RBM47: variants seen among roughly 807,000 people sequenced by gnomAD.
RBM47 encodes RNA binding motif protein 47, also known as RNA-binding protein 47.
Under a neutral mutation model 47.1 loss-of-function variants are expected in RBM47, and 21 were observed. The ratio of observed to expected loss-of-function variants is 0.45; its 90% CI spans 0.32 to 0.64. The LOEUF (loss-of-function observed/expected upper bound fraction) is 0.64, where lower values mean the gene tolerates loss of function less well. RBM47 is among the 30% of genes least tolerant of loss of function. The probability of loss-of-function intolerance (pLI) is 0.05; values close to 1 mark genes in which losing one functional copy is unlikely to be tolerated. For missense variants in RBM47, 708 were observed against 870.9 expected (o/e 0.81, Z 2.35); for synonymous variants, 375 against 361.7 (o/e 1.04, Z -0.42).
chr4:40,588,449 C>T (rs567709878), intron 1 of RBM47, among the ~76,000 whole-genome samples: 1 of 152,284 alleles, frequency 6.6e-6, no homozygotes, highest in African/African-American at 2.4e-5. Flanking sequence ...CAAAGGAGGA[C>T]CATCATAGGA....
At chr4:40,566,622 G>A (rs1488363930) in intron 1 of RBM47, among the ~76,000 whole-genome samples, 1 of 151,994 alleles carries the variant, frequency 6.6e-6, no homozygotes, top group African/African-American at 2.4e-5. Context: ...TCCACGCTGG[G>A]CGACAGAGCG....
At chr4:40,627,544 A>C (rs1284079032) in intron 1 of RBM47, among the ~76,000 whole-genome samples, 2 of 152,280 alleles carry the variant, frequency 1.3e-5, no homozygotes, top group Admixed American at 1.3e-4. Flanking sequence ...CATTTGGGAC[A>C]TGATTTAATC....
At chr4:40,496,359 CA>C (rs1560419548) in intron 2 of RBM47, among the ~76,000 whole-genome samples, 2 of 102,632 alleles carry the variant, frequency 1.9e-5, no homozygotes, top group Admixed American at 9.4e-5. Flanking sequence ...CACACACACA[CA>C]CACAAAGAGA....
chr4:40,534,177 G>A (rs993622181), intron 2 of RBM47, among the ~76,000 whole-genome samples: 3 of 151,350 alleles, frequency 2.0e-5, no homozygotes, highest in African/African-American at 7.3e-5. Context: ...TGTTGCCCAG[G>A]CTGGTCTTGA....
chr4:40,501,131 C>T (rs945782474), intron 2 of RBM47, among the ~76,000 whole-genome samples: 6 of 151,984 alleles, frequency 3.9e-5, no homozygotes, highest in African/African-American at 1.4e-4. Flanking sequence ...CATAGAAGAG[C>T]AGCTGCTGGC....
At chr4:40,541,798 G>A (rs1728572459) in intron 2 of RBM47, among the ~76,000 whole-genome samples, 1 of 152,114 alleles carries the variant, frequency 6.6e-6, no homozygotes, top group South Asian at 2.1e-4. Flanking sequence ...TTTGAAACCT[G>A]AGAATCTCAC....
intron 2 of RBM47, chr4:40,475,811 T>C (rs1334608712): frequency 3.3e-5 from 5 of 152,360 alleles, no homozygotes; most frequent in East Asian, 3.9e-4. Flanking sequence ...GGGCTCCTCA[T>C]TGGTCAACGA....
chr4:40,501,670 C>A (rs1170753428), intron 2 of RBM47, among the ~76,000 whole-genome samples: 5 of 152,180 alleles, frequency 3.3e-5, no homozygotes, highest in Non-Finnish European at 7.3e-5. Flanking sequence ...CAGGGTAGCT[C>A]CTGGACAGAA....
chr4:40,535,939 G>T (rs1727935042), intron 2 of RBM47, among the ~76,000 whole-genome samples: 1 of 152,130 alleles, frequency 6.6e-6, no homozygotes, highest in African/African-American at 2.4e-5. Flanking sequence ...GACCTCAGGT[G>T]ATCCACCCGC....
chr4:40,589,751 T>C (rs1214563216), intron 1 of RBM47, among the ~76,000 whole-genome samples: 1 of 152,218 alleles, frequency 6.6e-6, no homozygotes, highest in Non-Finnish European at 1.5e-5. Flanking sequence ...AACTGTACAA[T>C]TTAAAAGGGT....
At chr4:40,499,776 T>A (rs1400615179) in intron 2 of RBM47, among the ~76,000 whole-genome samples, 1 of 152,210 alleles carries the variant, frequency 6.6e-6, no homozygotes, top group Non-Finnish European at 1.5e-5. Context: ...CAGGTCACAA[T>A]TGCAGGTCTT....
intron 1 of RBM47, among the ~76,000 whole-genome samples, chr4:40,549,616 G>A (rs10013476): frequency 0.035 from 5,138 of 147,742 alleles, 190 homozygotes; most frequent in African/African-American, 0.098. Context: ...TACGCCTCCC[G>A]GGTTCAAGCA....
At chr4:40,626,786 C>T (rs1737782234) in intron 1 of RBM47, among the ~76,000 whole-genome samples, 1 of 152,146 alleles carries the variant, frequency 6.6e-6, no homozygotes, top group Non-Finnish European at 1.5e-5. Flanking sequence ...CTCAGACGAC[C>T]TCAGGAGTTT....
intron 5 of RBM47, among the ~76,000 whole-genome samples, chr4:40,433,481 T>A (rs78112574): frequency 0.036 from 5,557 of 152,256 alleles, 353 homozygotes; most frequent in African/African-American, 0.13. Flanking sequence ...TGAATGTTAT[T>A]CTTGATGTCC....
At chr4:40,535,986 C>G (rs1727941766) in intron 2 of RBM47, among the ~76,000 whole-genome samples, 1 of 152,250 alleles carries the variant, frequency 6.6e-6, no homozygotes, top group African/African-American at 2.4e-5. Flanking sequence ...CAGGCGTGAG[C>G]CACTGCGCCC....
intron 1 of RBM47, among the ~76,000 whole-genome samples, chr4:40,610,727 G>A (rs1288487522): frequency 1.3e-5 from 2 of 151,954 alleles, no homozygotes; most frequent in African/African-American, 4.8e-5. Flanking sequence ...GAATTCCCAT[G>A]TGGTGTGGGA....
intron 1 of RBM47, among the ~76,000 whole-genome samples, chr4:40,564,107 C>T (rs1027950589): frequency 6.6e-6 from 1 of 152,042 alleles, no homozygotes; most frequent in African/African-American, 2.4e-5. Flanking sequence ...GAGGTCACCA[C>T]CTTCCATGGA....
intron 1 of RBM47, among the ~76,000 whole-genome samples, chr4:40,552,004 A>C (rs1347706704): frequency 6.6e-6 from 1 of 152,146 alleles, no homozygotes; most frequent in Non-Finnish European, 1.5e-5. Context: ...ACAGGCATTG[A>C]CTCAAAAACT....
At chr4:40,499,296 G>A (rs1218127989) in intron 2 of RBM47, among the ~76,000 whole-genome samples, 2 of 152,184 alleles carry the variant, frequency 1.3e-5, no homozygotes, top group African/African-American at 2.4e-5. Context: ...ATAACATTCT[G>A]TGATTGATGT....
Sources: allele counts gnomAD v4.1 joint callset (sites outside exome capture counted in the v4.1 genomes callset), GRCh38; gene constraint gnomAD v4.1.1; transcripts MANE v1.5; gene names NCBI Gene and HGNC (gene_info 2026-07-23, HGNC 2026-07-21).